Variants in VWC2L observed in about 807,000 individuals in gnomAD.
VWC2L encodes von Willebrand factor C domain-containing protein 2-like.
VWC2L carries 10 observed loss-of-function variants against 21.6 expected under a neutral mutation model. The observed-to-expected ratio is 0.46, with a 90% CI of 0.29 to 0.78. The LOEUF is 0.78. Among genes scored for constraint, VWC2L ranks in the 30% least tolerant of loss-of-function variants. VWC2L has a pLI of 0.10. For missense variants in VWC2L, 209 were observed against 277.1 expected, an observed-to-expected ratio of 0.75 and a Z score of 1.74; for synonymous variants, 96 against 94.3, an observed-to-expected ratio of 1.02 and a Z score of -0.10.
intron 3 of VWC2L, among the ~76,000 whole-genome samples, chr2:214,551,424 T>C (rs1299440446): frequency 1.3e-5 from 2 of 152,214 alleles, no homozygotes; most frequent in African/African-American, 4.8e-5. Context: ...TCAGATTTTA[T>C]AATCAGTGAC....
chr2:214,571,004 T>C (rs1196135341), intron 3 of VWC2L, among the ~76,000 whole-genome samples: 1 of 152,156 alleles, frequency 6.6e-6, no homozygotes, highest in African/African-American at 2.4e-5. Context: ...CAAGAGAAAT[T>C]TCCTTTAGTT....
At chr2:214,520,292 T>C (rs1273613872) in intron 3 of VWC2L, among the ~76,000 whole-genome samples, 1 of 152,220 alleles carries the variant, frequency 6.6e-6, no homozygotes, top group Non-Finnish European at 1.5e-5. Flanking sequence ...GCTCATCCTA[T>C]GTAACATCAT....
chr2:214,519,621 A>C (rs1409877499), intron 3 of VWC2L, among the ~76,000 whole-genome samples: 1 of 152,212 alleles, frequency 6.6e-6, no homozygotes, highest in Non-Finnish European at 1.5e-5. Flanking sequence ...ATTCTCTCTC[A>C]AGTGGTCTTT....
intron 3 of VWC2L, among the ~76,000 whole-genome samples, chr2:214,437,240 T>C (rs760054569): frequency 2.7e-4 from 41 of 152,180 alleles, no homozygotes; most frequent in Non-Finnish European, 3.4e-4. Flanking sequence ...GCACTTAAAT[T>C]GAAGTAATAA....
intron 3 of VWC2L, among the ~76,000 whole-genome samples, chr2:214,560,876 G>C (rs1181386955): frequency 6.6e-6 from 1 of 152,176 alleles, no homozygotes; most frequent in Non-Finnish European, 1.5e-5. Flanking sequence ...GCAAGTAATT[G>C]AACCATTTAA....
At chr2:214,570,926 C>T (rs575094343) in intron 3 of VWC2L, among the ~76,000 whole-genome samples, 1 of 152,240 alleles carries the variant, frequency 6.6e-6, no homozygotes, top group East Asian at 1.9e-4. Flanking sequence ...TTTGGTTGGT[C>T]TATGTCCAGC....
At chr2:214,465,022 C>A (rs1247494251) in intron 3 of VWC2L, among the ~76,000 whole-genome samples, 1 of 152,102 alleles carries the variant, frequency 6.6e-6, no homozygotes, top group Non-Finnish European at 1.5e-5. Flanking sequence ...CTAGGTCTCT[C>A]CTTTCAAGGC....
At chr2:214,503,246 G>A (rs1453280056) in intron 3 of VWC2L, among the ~76,000 whole-genome samples, 1 of 152,120 alleles carries the variant, frequency 6.6e-6, no homozygotes, top group Non-Finnish European at 1.5e-5. Context: ...AGTTTTCTAA[G>A]TTAACAAGTC....
chr2:214,421,885 C>CTTTTTTTTTTTTTCTTTTT (rs1702447000), intron 2 of VWC2L, among the ~76,000 whole-genome samples: 1 of 76,144 alleles, frequency 1.3e-5, no homozygotes, highest in Non-Finnish European at 2.2e-5. Context: ...TTTCCTACAT[C>CTTTTTTTTTTTTTCTTTTT]TTTTTTTTTT....
In VWC2L at chr2:214,513,113, T is replaced by A. The variant is rs115624068; in HGVS notation, c.521-62559T>A. The stretch of plus-strand genomic sequence containing the variant: ...TAAAAGATTATCGCACAGCTACAAA[T>A]GAGGGAAACCTTAGAACCAGCCTAG... On this transcript the variant is annotated intron_variant, in intron 3 of 3. Coordinates refer to ENST00000312504, the MANE Select transcript of VWC2L (RefSeq NM_001080500.4). Among the ~76,000 whole-genome samples the A allele has an allele frequency of 3.1e-3, 479 of 152,240 alleles. 4 individuals are homozygous for A. The highest frequency in any genetic ancestry group is 5.3e-3 in the Non-Finnish European group (361 of 68,020).
intron 3 of VWC2L, among the ~76,000 whole-genome samples, chr2:214,565,068 A>G (rs1196987904): frequency 6.6e-6 from 1 of 152,200 alleles, no homozygotes; most frequent in East Asian, 1.9e-4. Flanking sequence ...TTATTCAACA[A>G]TAACTCATGG....
At chr2:214,541,733 C>A (rs980781040) in intron 3 of VWC2L, among the ~76,000 whole-genome samples, 7 of 152,296 alleles carry the variant, frequency 4.6e-5, no homozygotes, top group African/African-American at 1.7e-4. Flanking sequence ...GTACGAGACT[C>A]AGCTCTGTGC....
chr2:214,463,016 T>A (rs1368919494), intron 3 of VWC2L, among the ~76,000 whole-genome samples: 1 of 152,198 alleles, frequency 6.6e-6, no homozygotes, highest in Non-Finnish European at 1.5e-5. Context: ...TTACATGTAT[T>A]GAAACATGTT....
intron 3 of VWC2L, among the ~76,000 whole-genome samples, chr2:214,484,021 C>T (rs1293174562): frequency 1.3e-5 from 2 of 152,126 alleles, no homozygotes; most frequent in African/African-American, 4.8e-5. Flanking sequence ...TTCTGGCAAT[C>T]GCTGGCAATC....
intron 3 of VWC2L, among the ~76,000 whole-genome samples, chr2:214,507,799 G>C (rs575626956): frequency 2.6e-5 from 4 of 152,258 alleles, no homozygotes; most frequent in African/African-American, 7.2e-5. Context: ...TCTGTTTTCC[G>C]CTAGATGGCA....
intron 3 of VWC2L, among the ~76,000 whole-genome samples, chr2:214,487,797 G>C (rs1688691010): frequency 6.6e-6 from 1 of 152,130 alleles, no homozygotes; most frequent in Admixed American, 6.5e-5. Flanking sequence ...TACCTTGTAG[G>C]TCATGATGTT....
At chr2:214,461,422 C>T (rs1368527327) in intron 3 of VWC2L, among the ~76,000 whole-genome samples, 1 of 152,166 alleles carries the variant, frequency 6.6e-6, no homozygotes, top group Non-Finnish European at 1.5e-5. Flanking sequence ...GTAGGCCAGT[C>T]CTCAGGCCCC....
intron 3 of VWC2L, among the ~76,000 whole-genome samples, chr2:214,547,675 G>C (rs1192664342): frequency 6.6e-6 from 1 of 152,142 alleles, no homozygotes; most frequent in Non-Finnish European, 1.5e-5. Flanking sequence ...TCAGTGACAG[G>C]ATTCAATAAT....
chr2:214,555,299 G>T (rs1040995418), intron 3 of VWC2L, among the ~76,000 whole-genome samples: 30 of 152,164 alleles, frequency 2.0e-4, no homozygotes, highest in African/African-American at 7.0e-4. Context: ...TAACTTCTAC[G>T]TCTAATATGT....
Sources: allele counts gnomAD v4.1 joint callset (sites outside exome capture counted in the v4.1 genomes callset), GRCh38; gene constraint gnomAD v4.1.1; transcripts MANE v1.5; gene names NCBI Gene and HGNC (gene_info 2026-07-23, HGNC 2026-07-21).